The following NAV2 variants were observed in gnomAD, a reference collection of about 807,000 sequenced individuals.
NAV2 encodes helicase, APC down-regulated 1.
Under a neutral mutation model 223.2 loss-of-function variants are expected in NAV2, and 54 were observed. That is an observed-to-expected ratio of 0.24 (90% confidence interval 0.19 to 0.30). NAV2 has a LOEUF of 0.30. NAV2 is among the 10% of genes least tolerant of loss of function. The probability of loss-of-function intolerance (pLI) is 1.00; values close to 1 mark genes in which losing one functional copy is unlikely to be tolerated. For synonymous variants in NAV2, 1,279 were observed against 1,239.3 expected, an observed-to-expected ratio of 1.03 and a Z score of -0.67; for missense variants, 2,806 against 3,147.5, an observed-to-expected ratio of 0.89 and a Z score of 2.60.
intron 15 of NAV2, 110 bp from the exon 16 acceptor site, chr11:20,049,726 G>A (rs1344879742): frequency 9.7e-7 from 1 of 1,028,224 alleles, no homozygotes; most frequent in Non-Finnish European, 1.5e-6. Flanking sequence ...TGCATATAGG[G>A]AAGAAAGCGA....
chr11:19,907,654 G>A (rs893658179), intron 6 of NAV2, among the ~76,000 whole-genome samples: 15 of 152,062 alleles, frequency 9.9e-5, no homozygotes, highest in Admixed American at 3.3e-4. Flanking sequence ...ATCTTTTGGC[G>A]GAGTTTTAAA....
At chr11:20,076,811 C>A (rs575440933) in intron 22 of NAV2, among the ~76,000 whole-genome samples, 3 of 152,082 alleles carry the variant, frequency 2.0e-5, no homozygotes, top group Non-Finnish European at 4.4e-5. Flanking sequence ...TTACTTATAA[C>A]TGGAAGCATT....
intron 1 of NAV2, among the ~76,000 whole-genome samples, chr11:19,808,893 A>G (rs2058714400): frequency 6.6e-6 from 1 of 152,196 alleles, no homozygotes; most frequent in Admixed American, 6.5e-5. Flanking sequence ...ATTAATTACA[A>G]TGTCTTACAT....
At chr11:20,007,155 C>T (rs1290283092) in intron 11 of NAV2, among the ~76,000 whole-genome samples, 2 of 152,042 alleles carry the variant, frequency 1.3e-5, no homozygotes, top group African/African-American at 4.8e-5. Flanking sequence ...CAGGGTTTCA[C>T]CATGTCATCC....
intron 37 of NAV2, among the ~76,000 whole-genome samples, chr11:20,115,849 T>G (rs1371983346): frequency 6.7e-6 from 1 of 150,366 alleles, no homozygotes; most frequent in Admixed American, 6.6e-5. Flanking sequence ...GGAGGCAGAG[T>G]TTGCAGTGAG....
chr11:19,409,017 G>A (rs1161779578), intron 1 of NAV2, among the ~76,000 whole-genome samples: 3 of 149,804 alleles, frequency 2.0e-5, no homozygotes, highest in Non-Finnish European at 3.0e-5. Context: ...GTGGGGAGAG[G>A]GGGGCTCTTG....
chr11:19,634,090 CAG>C (rs1194472143), intron 1 of NAV2, among the ~76,000 whole-genome samples: 1 of 152,230 alleles, frequency 6.6e-6, no homozygotes, highest in African/African-American at 2.4e-5. Flanking sequence ...CCACAACATG[CAG>C]AGAGGCCAGA....
chr11:19,407,075 G>C (rs2133361587), intron 1 of NAV2, among the ~76,000 whole-genome samples: 1 of 152,338 alleles, frequency 6.6e-6, no homozygotes, highest in East Asian at 1.9e-4. Flanking sequence ...TGGAGGTCCT[G>C]ACCCTACTTG....
intron 1 of NAV2, among the ~76,000 whole-genome samples, chr11:19,484,207 T>A (rs1262850971): frequency 6.6e-6 from 1 of 151,886 alleles, no homozygotes; most frequent in Admixed American, 6.6e-5. Context: ...AGTATGTTAA[T>A]TAAAGCCTGG....
At chr11:19,451,685 G>A (rs893908234) in intron 1 of NAV2, among the ~76,000 whole-genome samples, 1 of 152,234 alleles carries the variant, frequency 6.6e-6, no homozygotes, top group African/African-American at 2.4e-5. Context: ...AGGCCTGCCT[G>A]TCCTGAGGAT....
rs2063422253 is a variant in NAV2 at position 20,120,528 on chromosome 11, G to T, written c.*2270G>T. The T allele has an allele frequency of 6.6e-6, 1 of 152,618 alleles. No individual in the cohort carries two copies. Among genetic ancestry groups the T allele is most frequent in the South Asian group, 2.1e-4 (1 of 4,828 alleles). The allele number at this position is 152,618 out of a possible 1,614,324, so 9.5% of individuals were successfully genotyped here. A position where few individuals can be genotyped will look rare whatever the true frequency, so the allele number is the denominator to read the frequency against. On this transcript the variant is annotated 3_prime_UTR_variant, in exon 38 of 38. Coordinates refer to ENST00000349880, the MANE Select transcript of NAV2 (RefSeq NM_145117.5). ...TGTGAATTTGGGAGGAGGTAAAGTT[G>T]ACTTCTCCTCGTGGGCAGTTTTCCA...
intron 3 of NAV2, among the ~76,000 whole-genome samples, chr11:19,844,435 A>G (rs2060674742): frequency 6.6e-6 from 1 of 152,188 alleles, no homozygotes; most frequent in African/African-American, 2.4e-5. Context: ...GTTAGAGTCT[A>G]CTTCCAAGCT....
chr11:19,524,469 C>T (rs7940988), intron 1 of NAV2, among the ~76,000 whole-genome samples: 8 of 152,190 alleles, frequency 5.3e-5, no homozygotes, highest in Non-Finnish European at 1.0e-4. Context: ...AGCCTAATGA[C>T]AGATGGCCCG....
In NAV2 at chr11:19,832,548, T is replaced by C; in HGVS notation, c.332T>C (p.Leu111Pro). The C allele has an allele frequency of 6.2e-7, 1 of 1,614,200 alleles. No homozygotes were observed. Among genetic ancestry groups the C allele is most frequent in the Non-Finnish European group, 8.5e-7 (1 of 1,180,034 alleles). ...KSGHKRLIRD[L>P]QQDVTDGVLL... ...GGCCACAAGCGTCTCATCAGGGATC[T>C]CCAGCAAGATGTGACAGATGGCGTC... Residue 111 changes from leucine to proline, a missense_variant, in exon 2 of 38, where the codon CTC becomes CCC. Leu to Pro is a moderately conservative substitution (Grantham distance 98). Around this residue, in one of 4 missense-constraint regions of NAV2, gnomAD observed 1,167 missense variants for 1,180.5 expected, o/e 0.99. Transcript: ENST00000349880.
At chr11:19,348,319 C>A (rs1233502427), upstream of NAV2, among the ~76,000 whole-genome samples, 1 of 152,092 alleles carries the variant, frequency 6.6e-6, no homozygotes, top group African/African-American at 2.4e-5. Flanking sequence ...CTTTTTGGCA[C>A]CGGACTTTTT....
rs558975223 is a variant in NAV2, at chr11:19,667,984, C to T, written c.76-164500C>T. Among the ~76,000 whole-genome samples the T allele has an allele frequency of 2.6e-5, 4 of 152,248 alleles. 1 individual carries two copies. Among genetic ancestry groups the T allele is most frequent in the East Asian group, 1.9e-4 (1 of 5,176 alleles). On this transcript the variant is annotated intron_variant, in intron 1 of 37. Coordinates refer to the NAV2 transcript ENST00000360655. Reference sequence around the variant, plus strand: ...GCCCTTATACTTCTAAGGTCCCTTGCAGCCTGTCTTAGCTAAATCCCCCCA... The same window carrying T: ...GCCCTTATACTTCTAAGGTCCCTTGTAGCCTGTCTTAGCTAAATCCCCCCA...
intron 12 of NAV2, among the ~76,000 whole-genome samples, chr11:20,042,329 G>T (rs2057001003): frequency 6.6e-6 from 1 of 152,080 alleles, no homozygotes; most frequent in South Asian, 2.1e-4. Context: ...GTGTTCCTTG[G>T]CTCCTTCCTA....
At chr11:19,536,359 G>T (rs1565027512) in intron 1 of NAV2, among the ~76,000 whole-genome samples, 1 of 152,140 alleles carries the variant, frequency 6.6e-6, no homozygotes, top group African/African-American at 2.4e-5. Context: ...GTCCCCACTT[G>T]AACACCACTG....
intron 12 of NAV2, among the ~76,000 whole-genome samples, chr11:20,038,557 A>G (rs971675381): frequency 3.3e-5 from 5 of 152,184 alleles, no homozygotes; most frequent in Admixed American, 1.3e-4. Flanking sequence ...CTCCTCCCTC[A>G]TATCACGCTG....
Sources: gnomAD v4.1 joint callset for allele counts (sites outside exome capture counted in the v4.1 genomes callset) on GRCh38, gnomAD v4.1.1 for gene constraint, gnomAD v4.1.1 regional missense constraint, MANE v1.5 for transcripts, NCBI Gene and HGNC (gene_info 2026-07-23, HGNC 2026-07-21) for gene names.